The following MYL2 variants were observed in gnomAD, a reference collection of about 807,000 sequenced individuals.
The protein encoded by MYL2 is myosin regulatory light chain 2, ventricular/cardiac muscle isoform.
A neutral mutation model predicts 23.0 loss-of-function variants in MYL2; 19 were observed. The ratio of observed to expected loss-of-function variants is 0.83; its 90% confidence interval spans 0.58 to 1.21. MYL2 has a LOEUF of 1.21. Ranked by LOEUF, MYL2 falls within the 50% of genes most tolerant of loss-of-function variation. MYL2 has a pLI of 0.00. For synonymous variants in MYL2, 78 were observed against 76.2 expected (o/e 1.02, Z -0.13); for missense variants, 180 against 215.1 (o/e 0.84, Z 1.02).
In MYL2 at chr12:110,914,132, C is replaced by T. The variant is rs867231722; in HGVS notation, c.274+54G>A. 15 of 1,339,700 alleles carry T rather than the reference C, an allele frequency of 1.1e-5. No individual in the cohort carries two copies. In the South Asian group the frequency reaches 1.3e-4, roughly 12 times the overall value. The allele number at this position is 1,339,700 out of a possible 1,614,324, so 83.0% of individuals were successfully genotyped here. A position where few individuals can be genotyped will look rare whatever the true frequency, so the allele number is the denominator to read the frequency against. On this transcript the variant is annotated intron_variant, in intron 4 of 6. Transcript: ENST00000228841. ...AGTTAACCATCTTCTGCCAGCCCCCCCGAAGAAACATAGACACATACACAC... is the reference window on the plus strand; with the variant it reads ...AGTTAACCATCTTCTGCCAGCCCCCTCGAAGAAACATAGACACATACACAC...
upstream of MYL2, chr12:110,920,732 T>C (rs1379193297): frequency 9.9e-6 from 7 of 707,060 alleles, no homozygotes; most frequent in Non-Finnish European, 1.7e-5. Flanking sequence ...CACTCGCCAC[T>C]GGGTGACACG....
chr12:110,914,385 C>G, intron 3 of MYL2, 95 bp from the exon 4 acceptor site: 1 of 845,974 alleles, frequency 1.2e-6, no homozygotes, highest in Admixed American at 1.9e-5. Context: ...TTCAAGAAAT[C>G]TAGTCTAGAA....
intron 2 of MYL2, 126 bp from the exon 3 acceptor site, chr12:110,915,916 T>C: frequency 1.2e-6 from 1 of 815,964 alleles, no homozygotes. Context: ...GACCTCAGAT[T>C]AAAAGTCAAC....
rs557658870 is a variant in MYL2, at chr12:110,917,510, A to G, written c.93+1594T>C. Among the ~76,000 whole-genome samples the G allele has an allele frequency of 1.5e-4, 23 of 150,588 alleles. No homozygotes were observed. In the East Asian group the frequency reaches 4.3e-3, roughly 28 times the overall value. The stretch of plus-strand genomic sequence containing the variant: ...ACTCAGACAAACAAACAAACAAACA[A>G]ACAAACAAACAGACCAAATGGGGAA... On this transcript the variant is annotated intron_variant, in intron 2 of 6. Transcript: ENST00000228841.
At chr12:110,911,712 A>G (rs2857715) in intron 6 of MYL2, among the ~76,000 whole-genome samples, 256 of 152,320 alleles carry the variant, frequency 1.7e-3, no homozygotes, top group African/African-American at 5.9e-3. Flanking sequence ...TATGCAAGGG[A>G]GCAGGATAGG....
At chr12:110,913,472 A>G (rs1592799894) in intron 4 of MYL2, 148 bp from the exon 5 acceptor site, 2 of 783,856 alleles carry the variant, frequency 2.6e-6, no homozygotes, top group East Asian at 2.6e-5. Context: ...TCGTCTGATC[A>G]CTGAGCCTCT....
intron 6 of MYL2, among the ~76,000 whole-genome samples, chr12:110,911,970 G>C (rs1300498283): frequency 1.3e-5 from 2 of 152,190 alleles, no homozygotes; most frequent in African/African-American, 4.8e-5. Context: ...CTCCTATGAG[G>C]TAGCTTCTAT....
intron 1 of MYL2, among the ~76,000 whole-genome samples, chr12:110,920,168 A>G (rs1421491814): frequency 6.6e-6 from 1 of 152,222 alleles, no homozygotes; most frequent in African/African-American, 2.4e-5. Flanking sequence ...AAACAAAAAC[A>G]TTCTTTTTCC....
At chr12:110,911,812 T>C (rs1244688620) in intron 6 of MYL2, among the ~76,000 whole-genome samples, 3 of 152,214 alleles carry the variant, frequency 2.0e-5, no homozygotes, top group African/African-American at 7.2e-5. Flanking sequence ...AGATTTTTGT[T>C]TTTACACAAA....
At chr12:110,912,073 C>A (rs1399787984) in intron 6 of MYL2, among the ~76,000 whole-genome samples, 1 of 152,122 alleles carries the variant, frequency 6.6e-6, no homozygotes, top group East Asian at 1.9e-4. Context: ...GAAGGCAGCC[C>A]TTTTAGCTGC....
At chr12:110,920,047 C>T (rs901272038) in intron 1 of MYL2, among the ~76,000 whole-genome samples, 1 of 152,180 alleles carries the variant, frequency 6.6e-6, no homozygotes, top group Non-Finnish European at 1.5e-5. Context: ...TGCCTCTAAC[C>T]ACTCTCCCTC....
At chr12:110,920,750 C>A, upstream of MYL2, 1 of 639,274 alleles carries the variant, frequency 1.6e-6, no homozygotes, top group Admixed American at 2.5e-5. Flanking sequence ...ACGTGAGCCC[C>A]CAAAAAGGCA....
intron 1 of MYL2, among the ~76,000 whole-genome samples, chr12:110,920,081 C>G (rs766925192): frequency 2.0e-4 from 30 of 152,214 alleles, no homozygotes; most frequent in Non-Finnish European, 3.8e-4. Context: ...GATTTGGGGA[C>G]TGCCCACTTC....
intron 1 of MYL2, among the ~76,000 whole-genome samples, chr12:110,920,064 T>G (rs577454304): frequency 1.1e-3 from 169 of 152,342 alleles, no homozygotes; most frequent in South Asian, 7.0e-3. Context: ...CCTCCTGTGC[T>G]GACCCTGATT....
At chr12:110,911,396 G>T (rs2071652283) in intron 6 of MYL2, among the ~76,000 whole-genome samples, 1 of 152,154 alleles carries the variant, frequency 6.6e-6, no homozygotes, top group Non-Finnish European at 1.5e-5. Flanking sequence ...CAGCGGATGG[G>T]ATTGGTGTGG....
chr12:110,911,261 A>T, intron 6 of MYL2, 86 bp from the exon 7 acceptor site: 1 of 147,840 alleles, frequency 6.8e-6, no homozygotes. Context: ...GCCTGAGTGG[A>T]CGGATAGCTG....
rs759088974 is a variant in MYL2 at position 110,911,195 on chromosome 12, C to T, written c.403-20G>A. ...GTCAACCTGCAATGAGCCAGCAACA[C>T]GTGCTAAGGACGAGGGGAGGGGAAC... is the stretch of plus-strand genomic sequence containing the variant. On this transcript the variant is annotated intron_variant, in intron 6 of 6. Coordinates refer to ENST00000228841, the MANE Select transcript of MYL2 (RefSeq NM_000432.4). 15 of 1,386,414 alleles carry T rather than the reference C, an allele frequency of 1.1e-5. No homozygotes were observed. In the South Asian group the frequency reaches 1.1e-4, roughly 11 times the overall value. 85.9% of individuals were successfully genotyped at this position (1,386,414 alleles called of 1,614,324 possible).
At chr12:110,914,607 C>T (rs1400711224) in intron 3 of MYL2, among the ~76,000 whole-genome samples, 1 of 152,188 alleles carries the variant, frequency 6.6e-6, no homozygotes. Context: ...TAACCTCCGC[C>T]TCCCAGGTTC....
chr12:110,911,149 G>T lies in MYL2; in HGVS notation c.429C>A (p.Pro143=). The change falls in exon 7 of 7, where the codon CCC becomes CCA. Residue 143 remains proline, a synonymous_variant. Transcript: ENST00000228841. ...EEVDQMFAAF[P]PDVTGNLDYK... is the part of the protein sequence containing the mutation. ...AGTCCAAGTTGCCAGTCACGTCAGG[G>T]GGGAAGGCGGCGAACATCTGGTCAA... 6.2e-7 allele frequency: 1 copy of T among 1,613,848 alleles called. No individual in the cohort carries two copies. The highest frequency in any genetic ancestry group is 8.5e-7 in the Non-Finnish European group (1 of 1,179,988).
Sources: allele counts gnomAD v4.1 joint callset (sites outside exome capture counted in the v4.1 genomes callset), GRCh38; gene constraint gnomAD v4.1.1; transcripts MANE v1.5; gene names NCBI Gene and HGNC (gene_info 2026-07-23, HGNC 2026-07-21).